RNF182: variants seen among roughly 807,000 people sequenced by gnomAD.
RNF182 encodes E3 ubiquitin-protein ligase RNF182.
RNF182 carries 15 observed loss-of-function variants against 14.4 expected under a neutral mutation model. The observed-to-expected ratio is 1.04, with a 90% CI of 0.70 to 1.60. The LOEUF is 1.60. RNF182 is among the 40% of genes most tolerant of loss of function. The pLI is 0.00. For missense variants in RNF182, 268 were observed against 294.8 expected, an observed-to-expected ratio of 0.91 and a Z score of 0.67; for synonymous variants, 128 against 122.9, an observed-to-expected ratio of 1.04 and a Z score of -0.27.
intron 1 of RNF182, among the ~76,000 whole-genome samples, chr6:13,941,960 T>A (rs996190001): frequency 6.6e-6 from 1 of 152,208 alleles, no homozygotes; most frequent in Non-Finnish European, 1.5e-5. Context: ...AGTCTGTGTT[T>A]CCCTTTGGGA....
In RNF182 at chr6:13,979,634, TTAGAG is replaced by T. The variant is rs1760441026; in HGVS notation, c.*1774_*1778del. 6.0e-6 allele frequency: 1 copy of T among 166,666 alleles called. No individual in the cohort carries two copies. Among genetic ancestry groups the T allele is most frequent in the Non-Finnish European group, 1.5e-5 (1 of 68,112 alleles). 10.3% of individuals were successfully genotyped at this position (166,666 alleles called of 1,614,324 possible). A position where few individuals can be genotyped will look rare whatever the true frequency, so the allele number is the denominator to read the frequency against. On this transcript the variant is annotated 3_prime_UTR_variant, in exon 3 of 3. Coordinates refer to ENST00000488300, the MANE Select transcript of RNF182 (RefSeq NM_152737.4). ...GCAATTTCCAGAAATCCATTTGTGT[TTAGAG>T]TAAATACCATGTTTAGAAGATGTTT... is the stretch of plus-strand genomic sequence containing the variant.
chr6:13,966,946 C>T (rs1369072518), intron 1 of RNF182, among the ~76,000 whole-genome samples: 1 of 152,082 alleles, frequency 6.6e-6, no homozygotes, highest in Non-Finnish European at 1.5e-5. Context: ...AAGTGAGCCT[C>T]CCATCTCAGC....
At chr6:13,966,816 G>T (rs951984446) in intron 1 of RNF182, among the ~76,000 whole-genome samples, 1 of 112,164 alleles carries the variant, frequency 8.9e-6, no homozygotes, top group Non-Finnish European at 1.8e-5. Context: ...ATGCTGTTTT[G>T]TGTGTGTGCG....
At chr6:13,960,666 T>TGC (rs1375745827) in intron 1 of RNF182, among the ~76,000 whole-genome samples, 4 of 100,226 alleles carry the variant, frequency 4.0e-5, no homozygotes, top group Non-Finnish European at 9.8e-5. Flanking sequence ...AGTGTGTGTG[T>TGC]GTGTGTGTGT....
intron 2 of RNF182, among the ~76,000 whole-genome samples, chr6:13,975,130 TG>T (rs1167250818): frequency 2.8e-4 from 42 of 152,206 alleles, no homozygotes; most frequent in Non-Finnish European, 5.7e-4. Flanking sequence ...TGCCCAGGGC[TG>T]GGGACTGTCC....
chr6:13,933,158 C>G (rs945827062), intron 1 of RNF182, among the ~76,000 whole-genome samples: 5 of 152,254 alleles, frequency 3.3e-5, no homozygotes, highest in Middle Eastern at 3.4e-3. Flanking sequence ...GACTCCAAAC[C>G]CTTCTTTTCA....
At chr6:13,926,872 C>T (rs562180475) in intron 1 of RNF182, among the ~76,000 whole-genome samples, 1 of 151,590 alleles carries the variant, frequency 6.6e-6, no homozygotes, top group Non-Finnish European at 1.5e-5. Context: ...AGTTCAAGGA[C>T]TTGGTCCGTG....
At chr6:13,956,781 C>G (rs1207590576) in intron 1 of RNF182, among the ~76,000 whole-genome samples, 1 of 152,176 alleles carries the variant, frequency 6.6e-6, no homozygotes, top group Non-Finnish European at 1.5e-5. Flanking sequence ...CTTTTTCTCT[C>G]AACCACAAAT....
intron 1 of RNF182, among the ~76,000 whole-genome samples, chr6:13,968,105 T>C (rs1477647513): frequency 6.6e-6 from 1 of 152,062 alleles, no homozygotes; most frequent in African/African-American, 2.4e-5. Context: ...AGATAAAAGC[T>C]GAAATTAATG....
At chr6:13,928,507 T>G (rs1324900421) in intron 1 of RNF182, among the ~76,000 whole-genome samples, 1 of 152,258 alleles carries the variant, frequency 6.6e-6, no homozygotes, top group Non-Finnish European at 1.5e-5. Context: ...CAGTTAATTT[T>G]GTAATGTTTT....
At chr6:13,976,754 C>G (rs1306448340) in intron 2 of RNF182, among the ~76,000 whole-genome samples, 155 bp from the exon 3 acceptor site, 1 of 152,184 alleles carries the variant, frequency 6.6e-6, no homozygotes, top group Non-Finnish European at 1.5e-5. Flanking sequence ...CTTTTCCGTT[C>G]CAGGGACAGA....
chr6:13,928,313 C>G (rs112389773), intron 1 of RNF182, among the ~76,000 whole-genome samples: 7 of 152,182 alleles, frequency 4.6e-5, no homozygotes, highest in African/African-American at 7.2e-5. Context: ...CATCAGTCAT[C>G]AAATGTTTAT....
intron 1 of RNF182, among the ~76,000 whole-genome samples, chr6:13,952,474 G>A (rs1371703574): frequency 7.2e-5 from 11 of 152,024 alleles, no homozygotes; most frequent in African/African-American, 2.2e-4. Flanking sequence ...AACCCCTTAC[G>A]TCTCGGGAGG....
At position 13,968,541 on chromosome 6, in the gene RNF182, G is replaced by A. The variant is rs139312804; in HGVS notation, c.-366-5669G>A. Among the ~76,000 whole-genome samples, 1,335 of 152,198 alleles carry A rather than the reference G, an allele frequency of 8.8e-3. 18 individuals are homozygous for A. Among genetic ancestry groups the A allele is most frequent in the African/African-American group, 0.03 (1,251 of 41,528 alleles). ...AACTGTTCCAGAAGATGAATAGCTC[G>A]TGTTTCACTTATAAAATAAGCATAC... On this transcript the variant is annotated intron_variant, in intron 1 of 2. Coordinates refer to ENST00000488300, the MANE Select transcript of RNF182 (RefSeq NM_152737.4).
At chr6:13,964,410 A>G (rs1422517302) in intron 1 of RNF182, among the ~76,000 whole-genome samples, 1 of 152,178 alleles carries the variant, frequency 6.6e-6, no homozygotes, top group African/African-American at 2.4e-5. Context: ...CCCAAATTAA[A>G]CTTTTATCAC....
rs1169253099 is a variant in RNF182 at position 13,938,175 on chromosome 6, AT to A, written c.-367+13175del. Among the ~76,000 whole-genome samples the A allele has an allele frequency of 2.5e-3, 232 of 92,700 alleles. 1 individual carries two copies. Among genetic ancestry groups the A allele is most frequent in the African/African-American group, 5.2e-3 (119 of 23,008 alleles). 60.8% of individuals were successfully genotyped at this position (92,700 alleles called of 152,430 possible). On this transcript the variant is annotated intron_variant, in intron 1 of 2. Coordinates refer to ENST00000488300, the MANE Select transcript of RNF182 (RefSeq NM_152737.4). Reference sequence around the variant, plus strand: ...CCACCATGCCTGGCTAATTTTTTGTATTTTTTTTTTTTTTTTTTTTTTTAGT... The same window carrying A: ...CCACCATGCCTGGCTAATTTTTTGTATTTTTTTTTTTTTTTTTTTTTTAGT...
rs1306492108 is a variant in RNF182, at chr6:13,978,659, C to G, written c.*796C>G. ...ATGAAAACCTTCATTTGAGTCTTTCCTTATAACATCTTAGTTTTGGTTTTT... is the reference window on the plus strand; with the variant it reads ...ATGAAAACCTTCATTTGAGTCTTTCGTTATAACATCTTAGTTTTGGTTTTT... On this transcript the variant is annotated 3_prime_UTR_variant, in exon 3 of 3. Coordinates refer to ENST00000488300, the MANE Select transcript of RNF182 (RefSeq NM_152737.4). 2 of 167,152 alleles carry G rather than the reference C, an allele frequency of 1.2e-5. No individual in the cohort carries two copies. Among genetic ancestry groups the G allele is most frequent in the East Asian group, 1.9e-4 (1 of 5,184 alleles). The allele number at this position is 167,152 out of a possible 1,614,324, so 10.4% of individuals were successfully genotyped here. A position where few individuals can be genotyped will look rare whatever the true frequency, so the allele number is the denominator to read the frequency against.
intron 1 of RNF182, among the ~76,000 whole-genome samples, 160 bp from the exon 2 acceptor site, chr6:13,974,050 A>G (rs1393141524): frequency 6.6e-6 from 1 of 152,186 alleles, no homozygotes. Context: ...CTGACTAATT[A>G]TAACCCTAGA....
chr6:13,963,836 A>G (rs1026075506), intron 1 of RNF182, among the ~76,000 whole-genome samples: 1 of 152,188 alleles, frequency 6.6e-6, no homozygotes, highest in African/African-American at 2.4e-5. Context: ...AGAAGATCAC[A>G]TTGTAGAAAG....
Sources: gnomAD v4.1 joint callset for allele counts (sites outside exome capture counted in the v4.1 genomes callset) on GRCh38, gnomAD v4.1.1 for gene constraint, MANE v1.5 for transcripts, NCBI Gene and HGNC (gene_info 2026-07-23, HGNC 2026-07-21) for gene names.